REEP3: variants seen among roughly 807,000 people sequenced by gnomAD.
REEP3 encodes the protein receptor accessory protein 3, also known as receptor expression-enhancing protein 3.
In REEP3, 20 loss-of-function variants were observed where a neutral mutation model predicts 41.3. The observed-to-expected ratio is 0.48, with a 90% CI of 0.34 to 0.70. The LOEUF is 0.70. REEP3 is among the 30% of genes least tolerant of loss of function. The pLI, the probability that REEP3 is intolerant of heterozygous loss-of-function variation, is 0.01. For synonymous variants in REEP3, 104 were observed against 101.8 expected (o/e 1.02, Z -0.13); for missense variants, 271 against 308.8 (o/e 0.88, Z 0.92).
intron 1 of REEP3, among the ~76,000 whole-genome samples, chr10:63,530,551 A>G (rs1178725635): frequency 6.6e-6 from 1 of 152,220 alleles, no homozygotes; most frequent in Non-Finnish European, 1.5e-5. Context: ...TAAGAAAGAA[A>G]ACACATTCTA....
intron 1 of REEP3, among the ~76,000 whole-genome samples, chr10:63,549,740 A>G (rs1471287175): frequency 6.6e-6 from 1 of 152,196 alleles, no homozygotes; most frequent in Non-Finnish European, 1.5e-5. Flanking sequence ...AGTTAAGTAA[A>G]TGTTTCTCAT....
At chr10:63,591,290 A>G (rs926867688) in intron 2 of REEP3, among the ~76,000 whole-genome samples, 1 of 152,164 alleles carries the variant, frequency 6.6e-6, no homozygotes. Flanking sequence ...AAAGAAAGCA[A>G]TATATTTTCA....
At chr10:63,526,453 A>G (rs1564989765) in intron 1 of REEP3, among the ~76,000 whole-genome samples, 1 of 152,146 alleles carries the variant, frequency 6.6e-6, no homozygotes, top group Non-Finnish European at 1.5e-5. Context: ...TCTGAGTCAA[A>G]CACTGAATAT....
chr10:63,544,544 G>A (rs1955558800), intron 1 of REEP3, among the ~76,000 whole-genome samples: 1 of 152,108 alleles, frequency 6.6e-6, no homozygotes, highest in South Asian at 2.1e-4. Context: ...TTGAGTGGGA[G>A]GTGTCAAACA....
intron 1 of REEP3, among the ~76,000 whole-genome samples, chr10:63,524,827 T>C (rs1430670075): frequency 1.3e-5 from 2 of 152,038 alleles, no homozygotes; most frequent in Non-Finnish European, 2.9e-5. Context: ...TTTAAGTCAT[T>C]ATAATAAATA....
At chr10:63,589,785 C>CTTTT (rs59658061) in intron 2 of REEP3, among the ~76,000 whole-genome samples, 6,971 of 80,594 alleles carry the variant, frequency 0.086, 1,311 homozygotes, top group East Asian at 0.2. Flanking sequence ...AGCAGAACAT[C>CTTTT]TTTTTTTTTT....
At chr10:63,590,826 G>A (rs1956055106) in intron 2 of REEP3, among the ~76,000 whole-genome samples, 1 of 152,120 alleles carries the variant, frequency 6.6e-6, no homozygotes, top group African/African-American at 2.4e-5. Context: ...AAAGAAATAC[G>A]ATTTGTTCTC....
chr10:63,558,667 C>T (rs1038292961), intron 1 of REEP3, among the ~76,000 whole-genome samples: 3 of 151,984 alleles, frequency 2.0e-5, no homozygotes, highest in African/African-American at 7.3e-5. Context: ...CACTTGAACC[C>T]AGGAGGCGGA....
intron 1 of REEP3, among the ~76,000 whole-genome samples, chr10:63,557,300 T>C (rs940160295): frequency 2.6e-5 from 4 of 152,206 alleles, no homozygotes; most frequent in Non-Finnish European, 5.9e-5. Flanking sequence ...AATAGAAGTA[T>C]ATAACTTGAA....
At chr10:63,565,529 G>A (rs149559828) in intron 1 of REEP3, among the ~76,000 whole-genome samples, 6 of 152,166 alleles carry the variant, frequency 3.9e-5, no homozygotes, top group Non-Finnish European at 8.8e-5. Flanking sequence ...TATAGTTAAT[G>A]TATCAAGAAT....
chr10:63,612,926 T>A (rs1354068353), intron 6 of REEP3, among the ~76,000 whole-genome samples: 1 of 152,230 alleles, frequency 6.6e-6, no homozygotes, highest in Non-Finnish European at 1.5e-5. Flanking sequence ...AAGGATTGGC[T>A]AAGAATTATA....
intron 1 of REEP3, among the ~76,000 whole-genome samples, chr10:63,563,333 G>A (rs1271222663): frequency 2.6e-5 from 4 of 152,152 alleles, no homozygotes; most frequent in Non-Finnish European, 5.9e-5. Context: ...CATTCCAGTA[G>A]CAATGAGCAC....
intron 2 of REEP3, among the ~76,000 whole-genome samples, chr10:63,573,690 T>A (rs1012689021): frequency 2.0e-5 from 3 of 152,196 alleles, no homozygotes; most frequent in Non-Finnish European, 2.9e-5. Context: ...ATATACCACA[T>A]GCCAGTTCTA....
chr10:63,611,606 A>G (rs1310401431), intron 6 of REEP3, among the ~76,000 whole-genome samples: 1 of 152,138 alleles, frequency 6.6e-6, no homozygotes, highest in Non-Finnish European at 1.5e-5. Flanking sequence ...GATTTTCAAG[A>G]CATTCCTTAT....
At chr10:63,563,575 G>A (rs1012693356) in intron 1 of REEP3, among the ~76,000 whole-genome samples, 9 of 152,174 alleles carry the variant, frequency 5.9e-5, no homozygotes, top group Non-Finnish European at 1.0e-4. Flanking sequence ...AAGAATAAGC[G>A]ACTACAGGGC....
intron 1 of REEP3, chr10:63,521,902 C>A (rs1395932902): frequency 3.3e-5 from 5 of 150,974 alleles, no homozygotes; most frequent in African/African-American, 1.2e-4. Flanking sequence ...GGGCAGGCGG[C>A]GCGCGCTCCC....
At position 63,617,330 on chromosome 10, in the gene REEP3, GCTT is replaced by G. The variant is rs528036469; in HGVS notation, c.566-2324_566-2322del. 2.4e-4 allele frequency among the ~76,000 whole-genome samples: 37 copies of G among 152,252 alleles called. 2 individuals are homozygous for G. The South Asian group carries it at 7.7e-3, about 32-fold the overall frequency. ...GCTTATGTTATTATGAGAGTAACAA[GCTT>G]ATTAACAACTCTTTGTAGTTTGCTT... On this transcript the variant is annotated intron_variant, in intron 6 of 7. Transcript: ENST00000373758.
At chr10:63,599,311 A>G (rs1477345017) in intron 5 of REEP3, 28 bp downstream of exon 5, 1 of 1,031,794 alleles carries the variant, frequency 9.7e-7, no homozygotes, top group Non-Finnish European at 1.4e-6. Context: ...TTTTTAATCC[A>G]ATGTCATATT....
In REEP3 at chr10:63,622,535, G is replaced by A. The variant is rs2133441517; in HGVS notation, c.*1666G>A. 6.6e-6 allele frequency: 1 copy of A among 152,016 alleles called. No individual in the cohort carries two copies. Among genetic ancestry groups the A allele is most frequent in the East Asian group, 1.9e-4 (1 of 5,170 alleles). The allele number at this position is 152,016 out of a possible 1,614,324, so 9.4% of individuals were successfully genotyped here. ...TTCCAAATTTCTATGAATTCTAATTGTAAATTATCGGAACAGAGTTTTATT... is the reference window on the plus strand; with the variant it reads ...TTCCAAATTTCTATGAATTCTAATTATAAATTATCGGAACAGAGTTTTATT... On this transcript the variant is annotated 3_prime_UTR_variant, in exon 8 of 8. Coordinates refer to ENST00000373758, the MANE Select transcript of REEP3 (RefSeq NM_001001330.3).
Sources: allele counts gnomAD v4.1 joint callset (sites outside exome capture counted in the v4.1 genomes callset), GRCh38; gene constraint gnomAD v4.1.1; transcripts MANE v1.5; gene names NCBI Gene and HGNC (gene_info 2026-07-23, HGNC 2026-07-21).